Variants in TENM2 observed in about 807,000 individuals in gnomAD.
TENM2 encodes teneurin transmembrane protein 2.
In TENM2, 52 loss-of-function variants were observed where a neutral mutation model predicts 245.2. That is an observed-to-expected ratio of 0.21 (90% confidence interval 0.17 to 0.27). The LOEUF is 0.27. Ranked by LOEUF, TENM2 falls within the 10% of genes least tolerant of loss-of-function variation. The pLI is 1.00. For synonymous variants in TENM2, 1,363 were observed against 1,438.9 expected (o/e 0.95, Z 1.19); for missense variants, 3,046 against 3,666.8 (o/e 0.83, Z 4.37).
intron 2 of TENM2, among the ~76,000 whole-genome samples, chr5:167,554,310 C>A (rs941871263): frequency 3.3e-5 from 5 of 152,062 alleles, no homozygotes; most frequent in Non-Finnish European, 7.4e-5. Flanking sequence ...AGATGATAAC[C>A]CAGCCAGACT....
At chr5:167,212,313 G>C in the TENM2 span, among the ~76,000 whole-genome samples, 2 of 152,220 alleles carry the variant, frequency 1.3e-5, no homozygotes, top group African/African-American at 2.4e-5. Flanking sequence ...GCAGCAGCCG[G>C]ACCTTTCTCT....
At chr5:167,450,396 G>A (rs150094191) in intron 2 of TENM2, among the ~76,000 whole-genome samples, 541 of 152,118 alleles carry the variant, frequency 3.6e-3, no homozygotes, top group Non-Finnish European at 6.3e-3. Flanking sequence ...TTGTTTGTCT[G>A]TTAATGACCT....
the TENM2 span, among the ~76,000 whole-genome samples, chr5:167,022,776 T>C: frequency 6.6e-6 from 1 of 152,158 alleles, no homozygotes; most frequent in South Asian, 2.1e-4. Flanking sequence ...CCCCTAGTCA[T>C]TGTCTTTCTT....
intron 2 of TENM2, among the ~76,000 whole-genome samples, chr5:167,862,545 C>T (rs987969328): frequency 5.3e-5 from 8 of 152,188 alleles, no homozygotes; most frequent in African/African-American, 1.7e-4. Context: ...AAGTTAAATC[C>T]TCCTCCTTGT....
chr5:167,199,588 G>A, the TENM2 span, among the ~76,000 whole-genome samples: 5 of 151,932 alleles, frequency 3.3e-5, no homozygotes, highest in Admixed American at 1.3e-4. Context: ...TACCTTCTCC[G>A]TATAATCTTT....
the TENM2 span, among the ~76,000 whole-genome samples, chr5:167,059,634 T>C: frequency 6.6e-6 from 1 of 152,050 alleles, no homozygotes; most frequent in Admixed American, 6.5e-5. Context: ...AGCTGGTTAC[T>C]AACAGCTACT....
chr5:168,237,988 C>CA (rs539135774), intron 25 of TENM2, among the ~76,000 whole-genome samples: 2 of 151,086 alleles, frequency 1.3e-5, no homozygotes, highest in Admixed American at 1.3e-4. Context: ...TAAAAAAATA[C>CA]AAAAAAATTA....
chr5:167,616,535 T>C (rs1037111846), intron 2 of TENM2, among the ~76,000 whole-genome samples: 4 of 152,084 alleles, frequency 2.6e-5, no homozygotes, highest in Admixed American at 6.6e-5. Flanking sequence ...TGATGCAAAA[T>C]AGCAAATGCC....
At chr5:167,510,187 T>G (rs796676329) in intron 2 of TENM2, among the ~76,000 whole-genome samples, 26 of 152,356 alleles carry the variant, frequency 1.7e-4, no homozygotes, top group African/African-American at 6.3e-4. Context: ...TGGCTTGGTT[T>G]GGAATGTGGC....
intron 2 of TENM2, among the ~76,000 whole-genome samples, chr5:167,746,039 C>T (rs914023581): frequency 1.2e-4 from 19 of 152,128 alleles, no homozygotes; most frequent in Non-Finnish European, 2.5e-4. Context: ...TCACTTTAAA[C>T]GTATTATTTC....
intron 2 of TENM2, among the ~76,000 whole-genome samples, chr5:167,508,229 TA>T (rs1291380949): frequency 6.6e-6 from 1 of 152,154 alleles, no homozygotes; most frequent in African/African-American, 2.4e-5. Flanking sequence ...TGAATGACAT[TA>T]AAAAAGCTCC....
rs375102487 is a variant in TENM2, at chr5:167,377,905, G to A, written c.502+2432G>A. 2.6e-5 allele frequency among the ~76,000 whole-genome samples: 4 copies of A among 152,250 alleles called. No homozygotes were observed. In the East Asian group the frequency reaches 7.7e-4, roughly 29 times the overall value. On this transcript the variant is annotated intron_variant, in intron 2 of 28. Coordinates refer to ENST00000518659, the Ensembl canonical transcript of TENM2. ...TCCATAATAAACACTGTGTCCTTCA[G>A]AACCAAATCAATAACCTTTTAGGTA...
chr5:167,326,428 A>G (rs1757082182), intron 1 of TENM2, among the ~76,000 whole-genome samples: 1 of 151,956 alleles, frequency 6.6e-6, no homozygotes. Context: ...TAAGCCCAGC[A>G]CTTTGGGAGG....
At chr5:168,178,650 A>C (rs1300334512) in intron 13 of TENM2, among the ~76,000 whole-genome samples, 1 of 152,182 alleles carries the variant, frequency 6.6e-6, no homozygotes. Context: ...GAAAAGAAGG[A>C]AGGGGAAAGA....
chr5:167,417,097 A>T (rs1011868465), intron 2 of TENM2, among the ~76,000 whole-genome samples: 1 of 152,200 alleles, frequency 6.6e-6, no homozygotes, highest in Admixed American at 6.5e-5. Context: ...TTAATCACCC[A>T]GAATTACACA....
At chr5:167,873,480 G>A (rs7380412) in intron 2 of TENM2, among the ~76,000 whole-genome samples, 16,564 of 152,006 alleles carry the variant, frequency 0.11, 1,376 homozygotes, top group East Asian at 0.4. Flanking sequence ...CTATCTGTGC[G>A]GTTTAACCTC....
chr5:167,744,828 A>G (rs1326032997), intron 2 of TENM2, among the ~76,000 whole-genome samples: 1 of 152,020 alleles, frequency 6.6e-6, no homozygotes, highest in African/African-American at 2.4e-5. Flanking sequence ...AACAAACAAA[A>G]CAAAACAAAA....
chr5:167,234,505 T>C, the TENM2 span, among the ~76,000 whole-genome samples: 1 of 152,158 alleles, frequency 6.6e-6, no homozygotes, highest in African/African-American at 2.4e-5. Flanking sequence ...ACATACTATT[T>C]TGAAGTAAAA....
intron 1 of TENM2, among the ~76,000 whole-genome samples, chr5:167,353,888 T>C (rs1411020811): frequency 1.3e-5 from 2 of 152,200 alleles, no homozygotes; most frequent in African/African-American, 2.4e-5. Context: ...TGCCAAGATG[T>C]TGAAACCAAA....
Sources: gnomAD v4.1 joint callset for allele counts (sites outside exome capture counted in the v4.1 genomes callset) on GRCh38, gnomAD v4.1.1 for gene constraint, MANE v1.5 for transcripts, NCBI Gene and HGNC (gene_info 2026-07-23, HGNC 2026-07-21) for gene names.